ACP7: variants seen among roughly 807,000 people sequenced by gnomAD.
ACP7 encodes acid phosphatase type 7.
Under a neutral mutation model 60.6 loss-of-function variants are expected in ACP7, and 58 were observed. The observed-to-expected ratio is 0.96, with a 90% CI of 0.77 to 1.19. The LOEUF (loss-of-function observed/expected upper bound fraction) is 1.19, where lower values mean the gene tolerates loss of function less well. Among genes scored for constraint, ACP7 ranks in the 50% most tolerant of loss-of-function variants. ACP7 has a pLI of 0.00. For missense variants in ACP7, 574 were observed against 596.2 expected (o/e 0.96, Z 0.39); for synonymous variants, 237 against 232.6 (o/e 1.02, Z -0.17).
chr19:39,103,692 G>T (rs1206287542), intron 11 of ACP7, among the ~76,000 whole-genome samples: 3 of 151,548 alleles, frequency 2.0e-5, no homozygotes, highest in African/African-American at 7.3e-5. Flanking sequence ...GCCATGCGTG[G>T]TGGTGCACAC....
chr19:39,101,145 C>T lies in ACP7; in HGVS notation c.916-5C>T. 6.2e-7 allele frequency: 1 copy of T among 1,614,066 alleles called. No individual in the cohort carries two copies. The highest frequency in any genetic ancestry group is 8.5e-7 in the Non-Finnish European group (1 of 1,180,032). On this transcript the variant is annotated splice_region_variant and splice_polypyrimidine_tract_variant and intron_variant, in intron 8 of 12. Coordinates refer to ENST00000331256, the MANE Select transcript of ACP7 (RefSeq NM_001004318.3). ...CACCCTCACCCGCTCATTCACCCTG[C>T]CCAGGTCCGCAAAGGCCTCCAAGGC...
intron 11 of ACP7, among the ~76,000 whole-genome samples, chr19:39,102,715 T>TTTTCTTTCCTTCTTTC (rs2073362254): frequency 8.4e-6 from 1 of 118,616 alleles, no homozygotes; most frequent in African/African-American, 3.3e-5. Context: ...CAATGAAGAC[T>TTTTCTTTCCTTCTTTC]TTTCTTTCTT....
intron 2 of ACP7, 101 bp downstream of exon 2, chr19:39,085,491 G>T: frequency 6.9e-7 from 1 of 1,441,440 alleles, no homozygotes; most frequent in South Asian, 1.5e-5. Context: ...CCCTAGGCGG[G>T]TGGCTCATTC....
At chr19:39,091,117 C>T (rs1220089767) in intron 2 of ACP7, among the ~76,000 whole-genome samples, 2 of 151,492 alleles carry the variant, frequency 1.3e-5, no homozygotes, top group African/African-American at 4.8e-5. Flanking sequence ...CCTGTTCCAT[C>T]CTGGGAAGCA....
At chr19:39,104,144 A>G (rs567589901) in intron 11 of ACP7, among the ~76,000 whole-genome samples, 26 of 151,964 alleles carry the variant, frequency 1.7e-4, no homozygotes, top group African/African-American at 5.5e-4. Flanking sequence ...ATCACTTGTA[A>G]TAAAAATTCA....
At chr19:39,102,157 C>CAA (rs894613939) in intron 11 of ACP7, among the ~76,000 whole-genome samples, 2 of 150,194 alleles carry the variant, frequency 1.3e-5, no homozygotes, top group East Asian at 2.0e-4. Flanking sequence ...CACACACACA[C>CAA]AAAAGATACT....
intron 11 of ACP7, among the ~76,000 whole-genome samples, chr19:39,102,757 T>TTCTTTCTTTCTTTCTG (rs2073366400): frequency 1.2e-5 from 1 of 84,456 alleles, no homozygotes; most frequent in Non-Finnish European, 2.5e-5. Context: ...CTTTCTTTCT[T>TTCTTTCTTTCTTTCTG]TCTTTCTTTC....
At chr19:39,091,060 C>T (rs1335557518) in intron 2 of ACP7, among the ~76,000 whole-genome samples, 2 of 152,048 alleles carry the variant, frequency 1.3e-5, no homozygotes, top group Admixed American at 1.3e-4. Context: ...TGAGCACTTC[C>T]TCACTTGATG....
At chr19:39,089,251 A>G (rs1224223474) in intron 2 of ACP7, among the ~76,000 whole-genome samples, 1 of 151,848 alleles carries the variant, frequency 6.6e-6, no homozygotes, top group Non-Finnish European at 1.5e-5. Flanking sequence ...ATTTTTCAGT[A>G]GAGATGGGGT....
rs1408927882 is a variant in ACP7, at chr19:39,097,093, C to A, written c.122-1365C>A. ...GGGTTTACAGGCATGAGCCAATACA[C>A]CTGGCTAGTGAAAAGCATTTCTGAC... On this transcript the variant is annotated intron_variant, in intron 2 of 12. Coordinates refer to ENST00000331256, the MANE Select transcript of ACP7 (RefSeq NM_001004318.3). 2.6e-5 allele frequency among the ~76,000 whole-genome samples: 4 copies of A among 152,140 alleles called. No individual in the cohort carries two copies. In the South Asian group the frequency reaches 6.2e-4, roughly 24 times the overall value.
In ACP7 at chr19:39,099,022, G is replaced by T; in HGVS notation, c.385G>T (p.Gly129Trp). The T allele has an allele frequency of 6.2e-7, 1 of 1,613,644 alleles. No individual in the cohort carries two copies. Residue 129 changes from glycine to tryptophan, a missense_variant, in exon 4 of 13, where the codon GGG (glycine) becomes TGG (tryptophan). Physicochemically the swap from Gly to Trp is radical, Grantham distance 184. Coordinates refer to ENST00000331256, the MANE Select transcript of ACP7 (RefSeq NM_001004318.3). ...RRFRFRALKN[G>W]AHWSPRLAVF... ...GTTCCGCTTCAGGGCCCTCAAGAAT[G>T]GGGCCCACTGGAGTCCCCGTCTGGC... is the stretch of plus-strand genomic sequence containing the variant.
At chr19:39,087,397 T>C (rs1440679640) in intron 2 of ACP7, among the ~76,000 whole-genome samples, 1 of 152,214 alleles carries the variant, frequency 6.6e-6, no homozygotes, top group Non-Finnish European at 1.5e-5. Context: ...TGATTTGTTG[T>C]TTTGGATTTT....
Position 39,098,576 on chromosome 19 carries a change from CTTTGTGGACGG to C in ACP7, c.241_251del (p.Phe81GlyfsTer61). 7 of 1,613,750 alleles carry C rather than the reference CTTTGTGGACGG, an allele frequency of 4.3e-6. No individual in the cohort carries two copies. The highest frequency in any genetic ancestry group is 5.9e-6 in the Non-Finnish European group (7 of 1,179,868). On this transcript the variant is annotated frameshift_variant, in exon 3 of 13. Transcript: ENST00000331256. LOFTEE classifies it high-confidence loss of function. ...TCCGCGCCCAGGGCACCTTCGTCCC[CTTTGTGGACGG>C]GGGCATTCTCCGGCGGAAGCTCTAC...
chr19:39,097,940 G>A (rs955511096), intron 2 of ACP7, among the ~76,000 whole-genome samples: 19 of 152,036 alleles, frequency 1.2e-4, no homozygotes, highest in African/African-American at 4.3e-4. Context: ...GAGAGGTGAA[G>A]TGATGTGCCC....
In ACP7 at chr19:39,106,899, C is replaced by T. The variant is rs690825; in HGVS notation, c.1114-48C>T. ...GGCTAGCAGGTCATTTCTGCTTCCCCGCGGGTCCTCCACCTGCTCTGGGTC... is the reference window on the plus strand; with the variant it reads ...GGCTAGCAGGTCATTTCTGCTTCCCTGCGGGTCCTCCACCTGCTCTGGGTC... On this transcript the variant is annotated intron_variant, in intron 11 of 12. Coordinates refer to ENST00000331256, the MANE Select transcript of ACP7 (RefSeq NM_001004318.3). 13,941 of 1,605,950 alleles carry T rather than the reference C, an allele frequency of 8.7e-3. 555 individuals carry two copies. The African/African-American group carries it at 0.12, about 14-fold the overall frequency.
chr19:39,090,357 C>T (rs1242557215), intron 2 of ACP7, among the ~76,000 whole-genome samples: 4 of 151,948 alleles, frequency 2.6e-5, no homozygotes, highest in East Asian at 1.9e-4. Flanking sequence ...TTAGTAGAGA[C>T]GGGGTTTCAC....
intron 2 of ACP7, among the ~76,000 whole-genome samples, chr19:39,091,681 G>A (rs1240770340): frequency 6.6e-6 from 1 of 151,808 alleles, no homozygotes; most frequent in Non-Finnish European, 1.5e-5. Flanking sequence ...AGGCTGAGGT[G>A]GGTGGATCAC....
intron 4 of ACP7, 121 bp downstream of exon 4, chr19:39,099,263 C>CCTG: frequency 8.7e-7 from 1 of 1,155,722 alleles, no homozygotes; most frequent in Non-Finnish European, 1.1e-6. Context: ...GGGGACAGGG[C>CCTG]TGGGGCCAGT....
At chr19:39,106,540 G>T (rs1033985818) in intron 11 of ACP7, among the ~76,000 whole-genome samples, 1 of 152,042 alleles carries the variant, frequency 6.6e-6, no homozygotes, top group African/African-American at 2.4e-5. Context: ...TTTTGTTTTT[G>T]TTTGAGACAG....
Sources: allele counts gnomAD v4.1 joint callset (sites outside exome capture counted in the v4.1 genomes callset), GRCh38; gene constraint gnomAD v4.1.1; transcripts MANE v1.5; gene names NCBI Gene and HGNC (gene_info 2026-07-23, HGNC 2026-07-21).